The following UBE2D3 variants were observed in gnomAD, a reference collection of about 807,000 sequenced individuals.
UBE2D3 encodes the protein ubiquitin-conjugating enzyme E2 D3.
Under a neutral mutation model 22.8 loss-of-function variants are expected in UBE2D3, and 2 were observed. That is an observed-to-expected ratio of 0.09 (90% CI 0.04 to 0.28). The LOEUF is 0.28. Among genes scored for constraint, UBE2D3 ranks in the 10% least tolerant of loss-of-function variants. The pLI is 1.00. For missense variants in UBE2D3, 27 were observed against 182.5 expected, an observed-to-expected ratio of 0.15 and a Z score of 4.91; for synonymous variants, 56 against 60.4, an observed-to-expected ratio of 0.93 and a Z score of 0.34.
chr4:102,811,032 G>A (rs1248946158), intron 2 of UBE2D3: 4 of 152,166 alleles, frequency 2.6e-5, no homozygotes, highest in Non-Finnish European at 5.9e-5. Flanking sequence ...TAACACAGAA[G>A]GGTAAGGTTT....
rs1331810479 is a variant in UBE2D3, at chr4:102,868,859, G to A, written c.-273C>T. 5.3e-6 allele frequency: 8 copies of A among 1,514,314 alleles called. No homozygotes were observed. In the East Asian group the frequency reaches 1.4e-4, roughly 27 times the overall value. 93.8% of individuals were successfully genotyped at this position (1,514,314 alleles called of 1,614,324 possible). ...CACACGAGATTCCGAGGAGGGCCTC[G>A]CTACCCGCCAGTTCCCGCGCCTCGG... On this transcript the variant is annotated 5_prime_UTR_variant, in exon 1 of 8. Transcript: ENST00000338145.
At position 102,800,616 on chromosome 4, in the gene UBE2D3, A is replaced by G. The variant is rs181629068; in HGVS notation, c.304+838T>C. 3.1e-3 allele frequency among the ~76,000 whole-genome samples: 471 copies of G among 152,164 alleles called. 4 individuals are homozygous for G. The highest frequency in any genetic ancestry group is 0.014 in the Middle Eastern group (4 of 294). On this transcript the variant is annotated intron_variant, in intron 6 of 7. Transcript: ENST00000453744. ...GTGAAAAACAGGTGTAAAATTTTAA[A>G]AACACTCGAATTATGGCAGCATCTG...
At chr4:102,816,998 A>G (rs1053201487) in intron 2 of UBE2D3, among the ~76,000 whole-genome samples, 4 of 152,224 alleles carry the variant, frequency 2.6e-5, no homozygotes, top group Non-Finnish European at 5.9e-5. Flanking sequence ...TGAAAAACCA[A>G]CCACTAACTT....
At chr4:102,840,494 A>C (rs769940684) in intron 1 of UBE2D3, among the ~76,000 whole-genome samples, 1 of 152,340 alleles carries the variant, frequency 6.6e-6, no homozygotes, top group East Asian at 1.9e-4. Flanking sequence ...ATGTTCTCTC[A>C]TTCATGTGGA....
intron 1 of UBE2D3, among the ~76,000 whole-genome samples, chr4:102,837,857 G>A (rs911911143): frequency 6.6e-6 from 1 of 152,216 alleles, no homozygotes; most frequent in African/African-American, 2.4e-5. Flanking sequence ...GAGAGGCTGA[G>A]GCAGAAGAAT....
chr4:102,855,221 A>G (rs1417822351), intron 1 of UBE2D3, among the ~76,000 whole-genome samples: 1 of 152,178 alleles, frequency 6.6e-6, no homozygotes, highest in East Asian at 1.9e-4. Context: ...GGGAAGGGAT[A>G]AAAACGAGGG....
At chr4:102,802,528 C>G in intron 5 of UBE2D3, 33 bp downstream of exon 5, 3 of 1,549,472 alleles carry the variant, frequency 1.9e-6, no homozygotes, top group Non-Finnish European at 2.6e-6. Context: ...AAGCATAAAT[C>G]TATACTAACA....
At chr4:102,819,740 T>G in intron 2 of UBE2D3, 23 of 308,026 alleles carry the variant, frequency 7.5e-5, no homozygotes, top group South Asian at 1.3e-4. Context: ...TCCCAATCTC[T>G]ACCATCTATT....
Position 102,827,455 on chromosome 4 carries a change from G to A in UBE2D3, c.-157C>T. On this transcript the variant is annotated 5_prime_UTR_variant, in exon 1 of 8. Transcript: ENST00000453744. ...GGGGCCGGGGCCTCCCTCAAGCTGC[G>A]GCCTCGGCCTCCTCCCCGCGCGGCA... The A allele has an allele frequency of 3.0e-6, 3 of 986,136 alleles. No homozygotes were observed. The highest frequency in any genetic ancestry group is 3.6e-6 in the Non-Finnish European group (3 of 830,148). The allele number at this position is 986,136 out of a possible 1,614,324, so 61.1% of individuals were successfully genotyped here.
chr4:102,805,495 CTTT>C lies in UBE2D3; in HGVS notation c.121-2860_121-2858del, dbSNP rs5860731. ...TCTGTGGCAATAAAACGTTGGTATT[CTTT>C]TTTTTTTTTTTTTAAAGTGGTGCTG... On this transcript the variant is annotated intron_variant, in intron 4 of 7. Coordinates refer to ENST00000453744, the MANE Select transcript of UBE2D3 (RefSeq NM_181891.3). 2.3e-4 allele frequency among the ~76,000 whole-genome samples: 32 copies of C among 140,660 alleles called. 1 individual carries two copies. The East Asian group carries it at 6.0e-3, about 27-fold the overall frequency. 92.3% of individuals were successfully genotyped at this position (140,660 alleles called of 152,430 possible).
In UBE2D3 at chr4:102,796,199, T is replaced by C. The variant is rs1406608265; in HGVS notation, c.*1216A>G. 1 of 152,424 alleles carries C rather than the reference T, an allele frequency of 6.6e-6. No homozygotes were observed. Among genetic ancestry groups the C allele is most frequent in the Non-Finnish European group, 1.5e-5 (1 of 67,902 alleles). The allele number at this position is 152,424 out of a possible 1,614,324, so 9.4% of individuals were successfully genotyped here. A position where few individuals can be genotyped will look rare whatever the true frequency, so the allele number is the denominator to read the frequency against. ...ATTATTACTCCCATGTTGTTTTTTT[T>C]CAGCTGTCAAGTGTACAAGGTGAAG... is the stretch of plus-strand genomic sequence containing the variant. On this transcript the variant is annotated 3_prime_UTR_variant, in exon 8 of 8. Coordinates refer to ENST00000453744, the MANE Select transcript of UBE2D3 (RefSeq NM_181891.3).
At chr4:102,834,782 T>G (rs1380526031) in intron 1 of UBE2D3, among the ~76,000 whole-genome samples, 1 of 151,526 alleles carries the variant, frequency 6.6e-6, no homozygotes, top group East Asian at 1.9e-4. Context: ...TTTTTTTTTT[T>G]GTCTTTTGTT....
intron 2 of UBE2D3, among the ~76,000 whole-genome samples, chr4:102,818,624 GA>G (rs1729106832): frequency 6.6e-6 from 1 of 152,128 alleles, no homozygotes; most frequent in Non-Finnish European, 1.5e-5. Context: ...CACCATGGTA[GA>G]AAATAGGGCA....
chr4:102,802,812 T>TA, intron 4 of UBE2D3, 174 bp from the exon 5 acceptor site: 1 of 426,080 alleles, frequency 2.3e-6, no homozygotes, highest in Non-Finnish European at 4.1e-6. Context: ...ACTTAAAACT[T>TA]ATACAGTAAT....
intron 2 of UBE2D3, among the ~76,000 whole-genome samples, chr4:102,816,375 C>T (rs1189088729): frequency 2.0e-5 from 3 of 152,212 alleles, no homozygotes; most frequent in Non-Finnish European, 4.4e-5. Context: ...CATGGACTTA[C>T]ATGGTAAAGT....
intron 1 of UBE2D3, among the ~76,000 whole-genome samples, chr4:102,847,434 C>T (rs1042183029): frequency 1.8e-4 from 28 of 151,448 alleles, no homozygotes; most frequent in East Asian, 5.9e-4. Context: ...TACAGGTGTG[C>T]GCCACCACAC....
intron 2 of UBE2D3, chr4:102,825,111 C>T (rs2110331172): frequency 2.7e-6 from 1 of 376,480 alleles, no homozygotes; most frequent in Admixed American, 6.4e-5. Flanking sequence ...GCCAAATAAA[C>T]TCCAGTCATA....
chr4:102,827,930 C>T (rs981675929), upstream of UBE2D3: 9 of 985,460 alleles, frequency 9.1e-6, no homozygotes, highest in Admixed American at 6.1e-5. Flanking sequence ...CACAGCGTCC[C>T]CCAGTTTCCT....
intron 1 of UBE2D3, among the ~76,000 whole-genome samples, chr4:102,849,484 C>T (rs921335238): frequency 6.6e-6 from 1 of 151,670 alleles, no homozygotes; most frequent in Non-Finnish European, 1.5e-5. Context: ...ACTGGCCACA[C>T]ATATATTTGA....
Sources: gnomAD v4.1 joint callset for allele counts (sites outside exome capture counted in the v4.1 genomes callset) on GRCh38, gnomAD v4.1.1 for gene constraint, MANE v1.5 for transcripts, NCBI Gene and HGNC (gene_info 2026-07-23, HGNC 2026-07-21) for gene names.